Variants in ADCY2 observed in about 807,000 individuals in gnomAD.
ADCY2 encodes adenylate cyclase type 2.
In ADCY2, 31 loss-of-function variants were observed where a neutral mutation model predicts 125.2. The ratio of observed to expected loss-of-function variants is 0.25; its 90% CI spans 0.19 to 0.33. The LOEUF is 0.33. Among genes scored for constraint, ADCY2 ranks in the 10% least tolerant of loss-of-function variants. ADCY2 has a pLI of 1.00. For synonymous variants in ADCY2, 512 were observed against 548.4 expected (o/e 0.93, Z 0.93); for missense variants, 904 against 1,418.2 (o/e 0.64, Z 5.82).
intron 18 of ADCY2, among the ~76,000 whole-genome samples, chr5:7,780,551 T>C (rs1265949603): frequency 1.3e-5 from 2 of 152,228 alleles, no homozygotes; most frequent in African/African-American, 2.4e-5. Context: ...CTTTATAAGC[T>C]GTGGCCCTCA....
chr5:7,627,216 G>A (rs1231801845), intron 4 of ADCY2, among the ~76,000 whole-genome samples: 2 of 152,104 alleles, frequency 1.3e-5, no homozygotes, highest in Admixed American at 1.3e-4. Context: ...AGGTGTCGTT[G>A]TCAGGGGCAT....
intron 4 of ADCY2, among the ~76,000 whole-genome samples, chr5:7,669,700 T>TGTAC (rs1297721567): frequency 6.6e-6 from 1 of 152,224 alleles, no homozygotes; most frequent in African/African-American, 2.4e-5. Context: ...ATTATCAGTG[T>TGTAC]GTACGTGCAC....
intron 22 of ADCY2, among the ~76,000 whole-genome samples, chr5:7,814,308 G>C (rs1282593678): frequency 6.6e-6 from 1 of 152,114 alleles, no homozygotes; most frequent in Non-Finnish European, 1.5e-5. Context: ...GTTTAGTGCA[G>C]TGATTCTCAA....
At chr5:7,404,700 A>G (rs780855974) in intron 1 of ADCY2, among the ~76,000 whole-genome samples, 1 of 152,240 alleles carries the variant, frequency 6.6e-6, no homozygotes, top group Admixed American at 6.5e-5. Flanking sequence ...AAAAACCACC[A>G]TAAAACTTAA....
intron 16 of ADCY2, among the ~76,000 whole-genome samples, chr5:7,760,957 A>G (rs1743179518): frequency 6.6e-6 from 1 of 152,058 alleles, no homozygotes. Flanking sequence ...GTTTCTGTGT[A>G]TTCAACTTTG....
At chr5:7,485,517 TACAC>T (rs1212108113) in intron 2 of ADCY2, among the ~76,000 whole-genome samples, 1 of 152,202 alleles carries the variant, frequency 6.6e-6, no homozygotes, top group African/African-American at 2.4e-5. Context: ...GCAGAAGAGA[TACAC>T]ACATATTTTG....
At position 7,520,815 on chromosome 5, in the gene ADCY2, C is replaced by T. The variant is rs200996412; in HGVS notation, c.486C>T (p.Ser162=). The change falls in exon 3 of 25, where the codon AGC becomes AGT. Residue 162 remains serine, a synonymous_variant. Coordinates refer to ENST00000338316, the MANE Select transcript of ADCY2 (RefSeq NM_020546.3). ...PFNMRDAIIA[S]VLTSSSHTIV... ...ACATGCGAGACGCCATCATTGCCAG[C>T]GTCCTCACCTCCTCCTCCCACACCA... is the stretch of plus-strand genomic sequence containing the variant. 6.2e-6 allele frequency: 10 copies of T among 1,614,102 alleles called. No individual in the cohort carries two copies. The highest frequency in any genetic ancestry group is 1.7e-5 in the Admixed American group (1 of 60,010).
chr5:7,645,835 T>C (rs1057288706), intron 4 of ADCY2, among the ~76,000 whole-genome samples: 1 of 152,146 alleles, frequency 6.6e-6, no homozygotes, highest in Non-Finnish European at 1.5e-5. Flanking sequence ...AGAGAGAAAA[T>C]AACTAGGTTA....
intron 3 of ADCY2, among the ~76,000 whole-genome samples, chr5:7,561,803 C>A (rs1735716472): frequency 6.6e-6 from 1 of 152,120 alleles, no homozygotes. Context: ...TGCCATGATG[C>A]CATTGCAGCT....
chr5:7,596,161 G>A (rs1736994270), intron 3 of ADCY2, among the ~76,000 whole-genome samples: 1 of 151,846 alleles, frequency 6.6e-6, no homozygotes, highest in Non-Finnish European at 1.5e-5. Context: ...CCTCTTGCAG[G>A]TACAAAATAA....
chr5:7,433,603 G>C (rs187171431), intron 2 of ADCY2, among the ~76,000 whole-genome samples: 1 of 152,230 alleles, frequency 6.6e-6, no homozygotes, highest in Admixed American at 6.5e-5. Context: ...TTGTGGAACA[G>C]TTAGATAACT....
At chr5:7,708,603 C>T (rs776190308) in intron 9 of ADCY2, among the ~76,000 whole-genome samples, 1 of 152,104 alleles carries the variant, frequency 6.6e-6, no homozygotes, top group Non-Finnish European at 1.5e-5. Context: ...GCAAGAAAGA[C>T]CTCTGAACCA....
chr5:7,808,076 G>A (rs1744809473), intron 22 of ADCY2, among the ~76,000 whole-genome samples: 1 of 152,172 alleles, frequency 6.6e-6, no homozygotes, highest in Non-Finnish European at 1.5e-5. Flanking sequence ...TGGTCAAGGA[G>A]CCTTTCAGAA....
chr5:7,411,497 T>C (rs1193799258), intron 1 of ADCY2, among the ~76,000 whole-genome samples: 4 of 152,220 alleles, frequency 2.6e-5, no homozygotes, highest in African/African-American at 9.6e-5. Flanking sequence ...TCTTTGACCC[T>C]AAGAGTTTGT....
At chr5:7,786,303 A>G (rs1744080293) in intron 19 of ADCY2, among the ~76,000 whole-genome samples, 1 of 151,968 alleles carries the variant, frequency 6.6e-6, no homozygotes. Flanking sequence ...GTGCTTTAGT[A>G]CTCCCTTCCC....
At chr5:7,786,350 T>C (rs1021831145) in intron 19 of ADCY2, among the ~76,000 whole-genome samples, 1 of 152,248 alleles carries the variant, frequency 6.6e-6, no homozygotes, top group Non-Finnish European at 1.5e-5. Context: ...ACACTCCATA[T>C]TGGAAATAAG....
chr5:7,659,991 A>G (rs991219194), intron 4 of ADCY2, among the ~76,000 whole-genome samples: 4 of 152,178 alleles, frequency 2.6e-5, no homozygotes, highest in Admixed American at 6.5e-5. Context: ...TTAAATGCAC[A>G]TGGACACAAA....
At chr5:7,654,253 A>C (rs944905631) in intron 4 of ADCY2, 1 of 430,126 alleles carries the variant, frequency 2.3e-6, no homozygotes, top group Non-Finnish European at 4.6e-6. Flanking sequence ...GGAAGGAAGA[A>C]GGCAATGGCC....
At chr5:7,534,209 G>A (rs186107350) in intron 3 of ADCY2, among the ~76,000 whole-genome samples, 61 of 152,290 alleles carry the variant, frequency 4.0e-4, no homozygotes, top group South Asian at 6.2e-4. Flanking sequence ...CTCTTCTAGT[G>A]TCTTTTCTTG....
Sources: gnomAD v4.1 joint callset for allele counts (sites outside exome capture counted in the v4.1 genomes callset) on GRCh38, gnomAD v4.1.1 for gene constraint, MANE v1.5 for transcripts, NCBI Gene and HGNC (gene_info 2026-07-23, HGNC 2026-07-21) for gene names.